The following UNC5B variants were observed in gnomAD, a reference collection of about 807,000 sequenced individuals.
UNC5B encodes the protein unc-5 netrin receptor B, also known as netrin receptor UNC5B.
A neutral mutation model predicts 103.7 loss-of-function variants in UNC5B; 56 were observed. The ratio of observed to expected loss-of-function variants is 0.54; its 90% CI spans 0.44 to 0.67. The LOEUF (loss-of-function observed/expected upper bound fraction) is 0.67, where lower values mean the gene tolerates loss of function less well. UNC5B is among the 30% of genes least tolerant of loss of function. The probability of loss-of-function intolerance (pLI) is 0.00; values close to 1 mark genes in which losing one functional copy is unlikely to be tolerated. For synonymous variants in UNC5B, 577 were observed against 542.0 expected, an observed-to-expected ratio of 1.06 and a Z score of -0.90; for missense variants, 1,194 against 1,284.5, an observed-to-expected ratio of 0.93 and a Z score of 1.08.
intron 1 of UNC5B, among the ~76,000 whole-genome samples, chr10:71,248,289 C>T (rs1844084552): frequency 2.0e-5 from 3 of 152,102 alleles, no homozygotes; most frequent in Admixed American, 1.3e-4. Context: ...GCCTTGGCAG[C>T]ACTTTCCCAA....
At chr10:71,220,686 T>G (rs1843436095) in intron 1 of UNC5B, among the ~76,000 whole-genome samples, 1 of 152,168 alleles carries the variant, frequency 6.6e-6, no homozygotes, top group African/African-American at 2.4e-5. Context: ...CATGAGCTGA[T>G]GTATGGTAAA....
intron 10 of UNC5B, among the ~76,000 whole-genome samples, chr10:71,292,214 A>G (rs1251788122): frequency 6.6e-6 from 1 of 152,184 alleles, no homozygotes; most frequent in Non-Finnish European, 1.5e-5. Context: ...CTAAGCTAGG[A>G]GTAGAGCTGG....
At chr10:71,243,314 C>T (rs562743647) in intron 1 of UNC5B, among the ~76,000 whole-genome samples, 1 of 152,206 alleles carries the variant, frequency 6.6e-6, no homozygotes, top group South Asian at 2.1e-4. Context: ...ATCAGTTTCC[C>T]CATCTGTGCA....
At chr10:71,225,089 G>A (rs1052791540) in intron 1 of UNC5B, among the ~76,000 whole-genome samples, 4 of 152,180 alleles carry the variant, frequency 2.6e-5, no homozygotes, top group African/African-American at 9.7e-5. Flanking sequence ...CACTGGACTA[G>A]GAGTCTGGAA....
Position 71,232,325 on chromosome 10 carries a change from G to A in UNC5B, c.79+19261G>A, listed in dbSNP as rs184221695. ...TCATTTACCAGAAGTTCACACCACC[G>A]CGTATGTGTTATATGAGAAGTAGCA... On this transcript the variant is annotated intron_variant, in intron 1 of 16. Coordinates refer to ENST00000335350, the MANE Select transcript of UNC5B (RefSeq NM_170744.5). Among the ~76,000 whole-genome samples the A allele has an allele frequency of 5.8e-4, 88 of 152,348 alleles. 2 individuals are homozygous for A. In the East Asian group the frequency reaches 0.014, roughly 24 times the overall value.
chr10:71,237,174 G>A (rs980244657), intron 1 of UNC5B, among the ~76,000 whole-genome samples: 4 of 152,194 alleles, frequency 2.6e-5, no homozygotes, highest in Non-Finnish European at 4.4e-5. Flanking sequence ...CCCACTCTGG[G>A]GACCAAGTGC....
At chr10:71,223,987 G>A (rs1412155662) in intron 1 of UNC5B, among the ~76,000 whole-genome samples, 1 of 152,302 alleles carries the variant, frequency 6.6e-6, no homozygotes, top group East Asian at 1.9e-4. Context: ...ACTCTGGGTG[G>A]CATCATGTCC....
At chr10:71,258,699 G>A (rs1357813213) in intron 1 of UNC5B, among the ~76,000 whole-genome samples, 1 of 152,254 alleles carries the variant, frequency 6.6e-6, no homozygotes, top group African/African-American at 2.4e-5. Flanking sequence ...GCTCTTCAGA[G>A]AAAGGACAGG....
At chr10:71,225,669 G>A (rs974700793) in intron 1 of UNC5B, among the ~76,000 whole-genome samples, 6 of 152,230 alleles carry the variant, frequency 3.9e-5, no homozygotes, top group African/African-American at 1.4e-4. Context: ...AGGGAGTAGA[G>A]AGTTAGAGTT....
chr10:71,254,516 G>A (rs924344415), intron 1 of UNC5B, among the ~76,000 whole-genome samples: 5 of 152,238 alleles, frequency 3.3e-5, no homozygotes, highest in Admixed American at 3.3e-4. Flanking sequence ...CGAGTCCTGG[G>A]AAGTCGGCTT....
intron 1 of UNC5B, among the ~76,000 whole-genome samples, chr10:71,239,810 C>G (rs1843856366): frequency 6.6e-6 from 1 of 152,190 alleles, no homozygotes; most frequent in Non-Finnish European, 1.5e-5. Flanking sequence ...TTCCTCCGGT[C>G]ATCTTCACAG....
At chr10:71,252,168 T>A (rs556739451) in intron 1 of UNC5B, among the ~76,000 whole-genome samples, 3 of 152,230 alleles carry the variant, frequency 2.0e-5, no homozygotes, top group Admixed American at 6.5e-5. Flanking sequence ...CTAGTCCCTA[T>A]ATAGTTGATC....
intron 1 of UNC5B, among the ~76,000 whole-genome samples, chr10:71,257,970 G>A (rs778242906): frequency 3.3e-5 from 5 of 152,228 alleles, no homozygotes; most frequent in Non-Finnish European, 7.3e-5. Flanking sequence ...TAGAGGTGGG[G>A]AAACAGAGGC....
rs141122756 is a variant in UNC5B at position 71,265,126 on chromosome 10, C to T, written c.80-14695C>T. ...TAAGAATACCTACCAGAAAGAGTTG[C>T]GGGGAGGGTTCAGTTAGATAATTAT... On this transcript the variant is annotated intron_variant, in intron 1 of 16. Transcript: ENST00000335350. 8.3e-3 allele frequency among the ~76,000 whole-genome samples: 1,266 copies of T among 152,210 alleles called. 24 individuals are homozygous for T. Among genetic ancestry groups the T allele is most frequent in the Middle Eastern group, 0.02 (6 of 294 alleles).
At chr10:71,215,750 A>G (rs1365781518) in intron 1 of UNC5B, among the ~76,000 whole-genome samples, 1 of 152,036 alleles carries the variant, frequency 6.6e-6, no homozygotes, top group Non-Finnish European at 1.5e-5. Flanking sequence ...AGGTGTCAAG[A>G]TAATACTTCT....
intron 7 of UNC5B, 50 bp from the exon 8 acceptor site, chr10:71,288,908 C>CCTTTCCCTGTCACCTATGTCATTGT (rs780682400): frequency 6.2e-7 from 1 of 1,604,056 alleles, no homozygotes; most frequent in Middle Eastern, 1.7e-4. Context: ...TCTCTGCCAC[C>CCTTTCCCTGTCACCTATGTCATTGT]CTTTCCCTGT....
chr10:71,296,096 C>T lies in UNC5B; in HGVS notation c.2325+136C>T, dbSNP rs560201366. Reference sequence around the variant, plus strand: ...CTGGATCTCTCACTGTCTCTGTCTCCTCCCACCCCAGTCTCTAGGCTTTCA... The same window carrying T: ...CTGGATCTCTCACTGTCTCTGTCTCTTCCCACCCCAGTCTCTAGGCTTTCA... On this transcript the variant is annotated intron_variant, in intron 14 of 16. Coordinates refer to ENST00000335350, the MANE Select transcript of UNC5B (RefSeq NM_170744.5). 5.8e-4 allele frequency: 733 copies of T among 1,256,948 alleles called. 3 individuals carry two copies. The African/African-American group carries it at 0.01, about 17-fold the overall frequency. 77.9% of individuals were successfully genotyped at this position (1,256,948 alleles called of 1,614,324 possible). A position where few individuals can be genotyped will look rare whatever the true frequency, so the allele number is the denominator to read the frequency against.
intron 1 of UNC5B, among the ~76,000 whole-genome samples, chr10:71,226,334 C>T (rs1843563586): frequency 6.6e-6 from 1 of 152,230 alleles, no homozygotes; most frequent in South Asian, 2.1e-4. Context: ...CTCGGCCTCC[C>T]AAAGTGCTGG....
chr10:71,225,908 T>C (rs1297918495), intron 1 of UNC5B, among the ~76,000 whole-genome samples: 3 of 147,322 alleles, frequency 2.0e-5, no homozygotes, highest in African/African-American at 7.3e-5. Flanking sequence ...GGCCACACCT[T>C]GCCAGCCCCT....
Sources: allele counts gnomAD v4.1 joint callset (sites outside exome capture counted in the v4.1 genomes callset), GRCh38; gene constraint gnomAD v4.1.1; transcripts MANE v1.5; gene names NCBI Gene and HGNC (gene_info 2026-07-23, HGNC 2026-07-21).